Variants in GRIA3 observed in about 807,000 individuals in gnomAD.
GRIA3 encodes glutamate ionotropic receptor AMPA type subunit 3.
Under a neutral mutation model 63.0 loss-of-function variants are expected in GRIA3, and 3 were observed. That is an observed-to-expected ratio of 0.05 (90% CI 0.02 to 0.12). The LOEUF (loss-of-function observed/expected upper bound fraction) is 0.12, where lower values mean the gene tolerates loss of function less well. Among genes scored for constraint, GRIA3 ranks in the 10% least tolerant of loss-of-function variants. The probability of loss-of-function intolerance (pLI) is 1.00; values close to 1 mark genes in which losing one functional copy is unlikely to be tolerated. For missense variants in GRIA3, 347 were observed against 700.9 expected (o/e 0.50, Z 5.70); for synonymous variants, 274 against 257.9 (o/e 1.06, Z -0.60).
rs192746678 is a variant in GRIA3, at chrX:123,391,613, G to A, written c.751-3355G>A. ...GCACCAGTGTTAGTGGGTCTAGTCA[G>A]GCTGATTCTTGGGCCCTCCAGGCAG... On this transcript the variant is annotated intron_variant, in intron 5 of 15. Transcript: ENST00000620443. 1.1e-4 allele frequency among the ~76,000 whole-genome samples: 12 copies of A among 111,869 alleles called. No homozygotes were observed. The East Asian group carries it at 3.4e-3, about 32-fold the overall frequency.
intron 3 of GRIA3, among the ~76,000 whole-genome samples, chrX:123,306,840 C>A (rs2044757884): frequency 8.9e-6 from 1 of 111,918 alleles, no homozygotes; most frequent in African/African-American, 3.3e-5. Context: ...AGCCCTGGGG[C>A]ACAAGCTGAT....
intron 11 of GRIA3, among the ~76,000 whole-genome samples, chrX:123,424,764 T>A (rs1487239659): frequency 8.9e-6 from 1 of 111,761 alleles, no homozygotes; most frequent in Admixed American, 9.5e-5. Flanking sequence ...CACATGATGA[T>A]CTGAGTCAGT....
At chrX:123,225,463 G>A (rs890039020) in intron 2 of GRIA3, among the ~76,000 whole-genome samples, 17 of 111,644 alleles carry the variant, frequency 1.5e-4, no homozygotes, top group African/African-American at 4.2e-4. Context: ...TAAAAAATGG[G>A]TTACATAATG....
At chrX:123,375,614 C>A (rs868821547) in intron 5 of GRIA3, among the ~76,000 whole-genome samples, 1 of 111,588 alleles carries the variant, frequency 9.0e-6, no homozygotes, top group Non-Finnish European at 1.9e-5. Context: ...TATATTAGTT[C>A]TTTGCTGTAA....
rs2045830347 is a variant in GRIA3, at chrX:123,465,749, C to T, written c.2324+637C>T. The T allele has an allele frequency of 8.3e-7, 1 of 1,209,876 alleles. No homozygotes were observed. On this transcript the variant is annotated intron_variant, in intron 13 of 15. Coordinates refer to ENST00000620443, the MANE Select transcript of GRIA3 (RefSeq NM_007325.5). ...ACAAATTGAAAAACAAATGGTGGTA[C>T]GACAAAGGAGAGTGCGGCAGCGGGG...
chrX:123,263,399 C>T (rs1262839461), intron 3 of GRIA3, among the ~76,000 whole-genome samples: 1 of 112,338 alleles, frequency 8.9e-6, no homozygotes, highest in African/African-American at 3.2e-5. Flanking sequence ...CGGCTGCTGT[C>T]CTGCTTTGTC....
intron 2 of GRIA3, among the ~76,000 whole-genome samples, chrX:123,251,663 T>C (rs763701956): frequency 1.8e-5 from 2 of 111,657 alleles, no homozygotes; most frequent in Admixed American, 9.5e-5. Context: ...CTCGATCTCC[T>C]GACCTCGTGA....
chrX:123,452,819 T>C (rs903409702), intron 12 of GRIA3, among the ~76,000 whole-genome samples: 1 of 111,794 alleles, frequency 8.9e-6, no homozygotes, highest in African/African-American at 3.2e-5. Context: ...CAATCCTTGA[T>C]TGAGAGTCAG....
intron 3 of GRIA3, among the ~76,000 whole-genome samples, chrX:123,320,380 C>T (rs191286395): frequency 1.8e-5 from 2 of 112,133 alleles, no homozygotes; most frequent in Non-Finnish European, 3.8e-5. Flanking sequence ...CTAAAATGTA[C>T]GTGTGTTCGC....
At chrX:123,187,716 G>A (rs1367287419) in intron 2 of GRIA3, among the ~76,000 whole-genome samples, 1 of 111,834 alleles carries the variant, frequency 8.9e-6, no homozygotes, top group Non-Finnish European at 1.9e-5. Flanking sequence ...GAACCATTTG[G>A]TTTCTCAGAA....
At chrX:123,252,995 T>A (rs2044399474) in intron 2 of GRIA3, among the ~76,000 whole-genome samples, 1 of 111,918 alleles carries the variant, frequency 8.9e-6, no homozygotes, top group South Asian at 3.8e-4. Context: ...AAAGTGGAAG[T>A]ACAAGAGCAC....
chrX:123,261,435 T>C (rs1366403119), intron 3 of GRIA3, among the ~76,000 whole-genome samples: 1 of 112,138 alleles, frequency 8.9e-6, no homozygotes, highest in Non-Finnish European at 1.9e-5. Flanking sequence ...ATAAGTAGAA[T>C]ATTTCTCCAG....
Position 123,213,593 on chromosome X carries a change from T to A in GRIA3, c.268+27603T>A, listed in dbSNP as rs986365591. Among the ~76,000 whole-genome samples, 9 of 112,029 alleles carry A rather than the reference T, an allele frequency of 8.0e-5. No homozygotes were observed. The Admixed American group carries it at 8.5e-4, about 11-fold the overall frequency. On this transcript the variant is annotated intron_variant, in intron 2 of 15. Coordinates refer to ENST00000620443, the MANE Select transcript of GRIA3 (RefSeq NM_007325.5). ...GCAAAAGGCAGGAAATAAATTTAGTTTAAGAATAATTTCCATATTGTTTCC... is the reference window on the plus strand; with the variant it reads ...GCAAAAGGCAGGAAATAAATTTAGTATAAGAATAATTTCCATATTGTTTCC...
intron 3 of GRIA3, among the ~76,000 whole-genome samples, chrX:123,293,819 C>T (rs1444186527): frequency 9.0e-6 from 1 of 110,699 alleles, no homozygotes; most frequent in Non-Finnish European, 1.9e-5. Flanking sequence ...ACTCACTCTT[C>T]ACAATAATCC....
chrX:123,314,791 T>TAGTC (rs1477600676), intron 3 of GRIA3, among the ~76,000 whole-genome samples: 1 of 112,219 alleles, frequency 8.9e-6, no homozygotes, highest in Non-Finnish European at 1.9e-5. Context: ...ACTTGACTAG[T>TAGTC]AGTCAGTAGC....
At chrX:123,323,612 C>T (rs1279719062) in intron 3 of GRIA3, among the ~76,000 whole-genome samples, 1 of 111,693 alleles carries the variant, frequency 9.0e-6, no homozygotes, top group Non-Finnish European at 1.9e-5. Flanking sequence ...ACAGATGTGC[C>T]TGTTAAGTGG....
chrX:123,250,072 T>A (rs1274633672), intron 2 of GRIA3, among the ~76,000 whole-genome samples: 2 of 111,549 alleles, frequency 1.8e-5, no homozygotes, highest in Admixed American at 9.6e-5. Flanking sequence ...GTTTGTATAT[T>A]TTTTTAAAAC....
At chrX:123,482,718 C>T (rs1603180679) in intron 14 of GRIA3, 81 bp from the exon 15 acceptor site, 1 of 1,045,729 alleles carries the variant, frequency 9.6e-7, no homozygotes, top group East Asian at 3.0e-5. Context: ...TTTAGAACTC[C>T]CCTGTACTGT....
chrX:123,318,282 G>C (rs943178080), intron 3 of GRIA3, among the ~76,000 whole-genome samples: 3 of 112,128 alleles, frequency 2.7e-5, no homozygotes, highest in Non-Finnish European at 5.6e-5. Context: ...CCATGGTCTT[G>C]GGGATTAACG....
Sources: allele counts gnomAD v4.1 joint callset (sites outside exome capture counted in the v4.1 genomes callset), GRCh38; gene constraint gnomAD v4.1.1; transcripts MANE v1.5; gene names NCBI Gene and HGNC (gene_info 2026-07-23, HGNC 2026-07-21).